FHAD1: variants seen among roughly 807,000 people sequenced by gnomAD.
The protein encoded by FHAD1 is forkhead-associated domain-containing protein 1.
A neutral mutation model predicts 191.3 loss-of-function variants in FHAD1; 146 were observed. The observed-to-expected ratio is 0.76, with a 90% CI of 0.67 to 0.88. The LOEUF (loss-of-function observed/expected upper bound fraction) is 0.88, where lower values mean the gene tolerates loss of function less well. FHAD1 is among the 40% of genes least tolerant of loss of function. The pLI, the probability that FHAD1 is intolerant of heterozygous loss-of-function variation, is 0.00. For missense variants in FHAD1, 1,635 were observed against 1,785.8 expected (o/e 0.92, Z 1.52); for synonymous variants, 616 against 672.3 (o/e 0.92, Z 1.29).
chr1:15,387,834 A>G (rs6681620), intron 31 of FHAD1, among the ~76,000 whole-genome samples: 17,848 of 152,198 alleles, frequency 0.12, 2,537 homozygotes, highest in African/African-American at 0.34. Context: ...ACAGTGAGCC[A>G]TCGTCGTGCC....
chr1:15,382,236 G>T, intron 31 of FHAD1, 43 bp downstream of exon 31: 1 of 1,539,618 alleles, frequency 6.5e-7, no homozygotes, highest in East Asian at 2.5e-5. Context: ...AGGCTGCCCT[G>T]CAGCTCCCAT....
chr1:15,293,543 C>T (rs574895194), intron 4 of FHAD1, among the ~76,000 whole-genome samples: 14 of 152,212 alleles, frequency 9.2e-5, no homozygotes, highest in African/African-American at 2.9e-4. Context: ...CATGGTGAAA[C>T]CCCATCTCTA....
In FHAD1 at chr1:15,289,676, AG is replaced by A; in HGVS notation, c.568+13del. On this transcript the variant is annotated intron_variant, in intron 4 of 33. Transcript: ENST00000688493. This position sits in a 1 kb window ranked among gnomAD's most constrained non-coding sequence, Gnocchi z 4.2. ...CCCGTCATCAAGCAAGGTATGCGTC[AG>A]GGCTGCCATTGGTGGCTTGGGGGTG... The A allele has an allele frequency of 6.5e-7, 1 of 1,539,884 alleles. No individual in the cohort carries two copies. Among genetic ancestry groups the A allele is most frequent in the Non-Finnish European group, 8.8e-7 (1 of 1,137,512 alleles).
chr1:15,244,976 T>C (rs1263170169), upstream of FHAD1, among the ~76,000 whole-genome samples: 1 of 152,156 alleles, frequency 6.6e-6, no homozygotes, highest in African/African-American at 2.4e-5. The surrounding 1 kb of genome is among the most constrained non-coding windows in gnomAD (Gnocchi z 5.1). Context: ...CTGCTTCCAC[T>C]CCTGGCAGAA....
chr1:15,291,297 G>C (rs961151131), intron 4 of FHAD1, among the ~76,000 whole-genome samples: 1 of 151,560 alleles, frequency 6.6e-6, no homozygotes, highest in Non-Finnish European at 1.5e-5. Context: ...GGCCAGGCTG[G>C]TCTCAAACTC....
At chr1:15,259,008 G>C (rs761498600) in intron 2 of FHAD1, among the ~76,000 whole-genome samples, 5 of 152,112 alleles carry the variant, frequency 3.3e-5, no homozygotes, top group Admixed American at 2.0e-4. Flanking sequence ...TTCCACAGTG[G>C]CTGCACAATT....
intron 21 of FHAD1, 143 bp downstream of exon 21, chr1:15,358,426 C>A: frequency 1.3e-6 from 1 of 753,662 alleles, no homozygotes; most frequent in Non-Finnish European, 2.1e-6. Flanking sequence ...CTGTCAGGGG[C>A]TGTCCTGAGC....
rs1414383870 is a variant in FHAD1, at chr1:15,362,715, C to T, written c.3036C>T (p.Tyr1012=). The T allele has an allele frequency of 1.4e-5, 21 of 1,551,550 alleles. No homozygotes were observed. The Admixed American group carries it at 1.4e-4, about 10-fold the overall frequency. Residue 1012 remains tyrosine (Y), a synonymous_variant, in exon 23 of 34, where the codon TAC becomes TAT. Coordinates refer to ENST00000688493, the MANE Select transcript of FHAD1 (RefSeq NM_001391957.1). ...AGAGCAGTGCCAAAGACATGGCGTA[C>T]GAACATCTGATGTGAGTACCCGTGG... ...MTESSAKDMA[Y]EHLIDDLLAA... is the part of the protein sequence containing the mutation.
chr1:15,293,175 C>T (rs187747688), intron 4 of FHAD1, among the ~76,000 whole-genome samples: 1 of 152,296 alleles, frequency 6.6e-6, no homozygotes, highest in East Asian at 1.9e-4. Context: ...ATTGTATACA[C>T]TTGTGTAACC....
intron 28 of FHAD1, among the ~76,000 whole-genome samples, chr1:15,379,679 A>C (rs12090278): frequency 6.6e-6 from 1 of 152,206 alleles, no homozygotes; most frequent in Non-Finnish European, 1.5e-5. Flanking sequence ...GCAGAGGTCC[A>C]TGCGGCTTCC....
rs546729897 is a variant in FHAD1 at position 15,308,729 on chromosome 1, C to T, written c.1032C>T (p.Ile344=). The T allele has an allele frequency of 2.9e-4, 449 of 1,551,700 alleles. 4 individuals are homozygous for T. The Admixed American group carries it at 7.8e-3, about 27-fold the overall frequency. Reference sequence around the variant, plus strand: ...AGAACTTAAAGAGAGACAACGCTATCACATCAGGTGAGCCCTTGGAGTCGG... The same window carrying T: ...AGAACTTAAAGAGAGACAACGCTATTACATCAGGTGAGCCCTTGGAGTCGG... ...EGENLKRDNA[I]TSGMVSSLQK... Residue 344 remains isoleucine (I), a synonymous_variant, in exon 7 of 34, where the codon ATC becomes ATT. Transcript: ENST00000688493.
At chr1:15,337,690 C>T (rs1373248497) in intron 14 of FHAD1, among the ~76,000 whole-genome samples, 3 of 152,142 alleles carry the variant, frequency 2.0e-5, no homozygotes, top group Non-Finnish European at 2.9e-5. Flanking sequence ...GCAATACGGC[C>T]CGACATAGCA....
At chr1:15,370,867 C>T (rs1163032702) in intron 26 of FHAD1, among the ~76,000 whole-genome samples, 1 of 152,182 alleles carries the variant, frequency 6.6e-6, no homozygotes, top group East Asian at 1.9e-4. Context: ...TGGATTTTCA[C>T]CGGGAAGCCA....
At chr1:15,398,524 G>T (rs1041313344), downstream of FHAD1, among the ~76,000 whole-genome samples, 1 of 152,064 alleles carries the variant, frequency 6.6e-6, no homozygotes, top group African/African-American at 2.4e-5. Context: ...CAAGAGTTGA[G>T]TCTTGAACCC....
chr1:15,355,701 C>T (rs1293560607), intron 20 of FHAD1, among the ~76,000 whole-genome samples: 8 of 152,156 alleles, frequency 5.3e-5, no homozygotes, highest in African/African-American at 1.4e-4. Flanking sequence ...CAGTGAGCAC[C>T]TCCATAGGCC....
chr1:15,363,284 A>G (rs559763070), intron 23 of FHAD1, among the ~76,000 whole-genome samples: 7 of 152,242 alleles, frequency 4.6e-5, no homozygotes, highest in African/African-American at 1.7e-4. Flanking sequence ...CCATTAATCC[A>G]CTAACTCAGT....
chr1:15,294,454 T>C (rs1322111690), intron 4 of FHAD1, among the ~76,000 whole-genome samples: 1 of 152,030 alleles, frequency 6.6e-6, no homozygotes, highest in Non-Finnish European at 1.5e-5. Context: ...AGTGCAGTGG[T>C]GCAATCTTGG....
chr1:15,246,325 A>C (rs950922952), upstream of FHAD1, among the ~76,000 whole-genome samples: 3 of 152,224 alleles, frequency 2.0e-5, no homozygotes, highest in Non-Finnish European at 4.4e-5. Context: ...GGGGACACAC[A>C]GCCAAACCGT....
At chr1:15,398,601 G>A (rs1488750770), downstream of FHAD1, among the ~76,000 whole-genome samples, 3 of 152,026 alleles carry the variant, frequency 2.0e-5, no homozygotes, top group Non-Finnish European at 4.4e-5. Context: ...TACAGTCCCA[G>A]GCCACAAGGA....
Sources: allele counts gnomAD v4.1 joint callset (sites outside exome capture counted in the v4.1 genomes callset), GRCh38; gene constraint gnomAD v4.1.1; non-coding constraint Gnocchi (gnomAD v3.1); transcripts MANE v1.5; gene names NCBI Gene and HGNC (gene_info 2026-07-23, HGNC 2026-07-21).